DLG1: variants seen among roughly 807,000 people sequenced by gnomAD.
The protein encoded by DLG1 is discs large MAGUK scaffold protein 1.
Under a neutral mutation model 123.4 loss-of-function variants are expected in DLG1, and 42 were observed. That is an observed-to-expected ratio of 0.34 (90% CI 0.27 to 0.44). The LOEUF (loss-of-function observed/expected upper bound fraction) is 0.44, where lower values mean the gene tolerates loss of function less well. Ranked by LOEUF, DLG1 falls within the 20% of genes least tolerant of loss-of-function variation. The pLI is 1.00. For synonymous variants in DLG1, 317 were observed against 356.2 expected (o/e 0.89, Z 1.24); for missense variants, 942 against 1,082.6 (o/e 0.87, Z 1.82).
At chr3:197,264,205 A>G (rs1760739938) in intron 4 of DLG1, among the ~76,000 whole-genome samples, 1 of 152,176 alleles carries the variant, frequency 6.6e-6, no homozygotes, top group Non-Finnish European at 1.5e-5. Context: ...TTAATGATCT[A>G]ATCTCTGTGA....
At chr3:197,135,077 T>G (rs1274838512) in intron 10 of DLG1, among the ~76,000 whole-genome samples, 3 of 152,226 alleles carry the variant, frequency 2.0e-5, no homozygotes, top group Non-Finnish European at 4.4e-5. Context: ...TCAGACACAT[T>G]CTACCTTCTA....
intron 22 of DLG1, among the ~76,000 whole-genome samples, chr3:197,064,411 T>C (rs1401571586): frequency 1.3e-5 from 2 of 152,338 alleles, no homozygotes; most frequent in Admixed American, 6.5e-5. Flanking sequence ...CAGGCTGGTC[T>C]TGAACTCCTA....
intron 4 of DLG1, among the ~76,000 whole-genome samples, chr3:197,199,455 G>A (rs928983895): frequency 2.0e-5 from 3 of 152,096 alleles, no homozygotes; most frequent in Admixed American, 2.0e-4. Flanking sequence ...CAGGCTATGT[G>A]TATAATGTGT....
chr3:197,284,809 G>A (rs13072590), intron 3 of DLG1, among the ~76,000 whole-genome samples: 31,966 of 151,878 alleles, frequency 0.21, 4,454 homozygotes, highest in East Asian at 0.6. Context: ...AAACCTACTC[G>A]GTCAATCTTA....
intron 23 of DLG1, among the ~76,000 whole-genome samples, chr3:197,054,996 G>A (rs536746700): frequency 6.6e-6 from 1 of 152,216 alleles, no homozygotes; most frequent in East Asian, 1.9e-4. Context: ...TGTATTTTTA[G>A]TAGAGATGGG....
intron 5 of DLG1, among the ~76,000 whole-genome samples, chr3:197,150,829 G>A (rs1435712686): frequency 6.6e-6 from 1 of 151,976 alleles, no homozygotes; most frequent in Non-Finnish European, 1.5e-5. Flanking sequence ...ATGACAAAAT[G>A]CTTAAAGACA....
chr3:197,160,619 A>T (rs1307434700), intron 5 of DLG1, among the ~76,000 whole-genome samples: 7 of 152,294 alleles, frequency 4.6e-5, no homozygotes, highest in African/African-American at 1.7e-4. Flanking sequence ...ATTACAATTC[A>T]GTCTTATTAC....
chr3:197,075,495 AT>A (rs1271982657), intron 18 of DLG1, among the ~76,000 whole-genome samples: 1 of 151,984 alleles, frequency 6.6e-6, no homozygotes, highest in Non-Finnish European at 1.5e-5. Context: ...AAGGAAGCAT[AT>A]TTCTACATTC....
chr3:197,206,267 C>T (rs1728474729), intron 4 of DLG1, among the ~76,000 whole-genome samples: 1 of 152,110 alleles, frequency 6.6e-6, no homozygotes, highest in African/African-American at 2.4e-5. Flanking sequence ...AGTATATACT[C>T]TTGATTTTAA....
At chr3:197,194,288 T>C in intron 5 of DLG1, 137 bp downstream of exon 5, 1 of 455,178 alleles carries the variant, frequency 2.2e-6, no homozygotes, top group Non-Finnish European at 3.7e-6. Flanking sequence ...CTTGAAATTC[T>C]CCATAACTAT....
chr3:197,149,616 T>G (rs1053946279), intron 6 of DLG1, 127 bp downstream of exon 6: 4 of 731,194 alleles, frequency 5.5e-6, no homozygotes, highest in Middle Eastern at 2.3e-4. Flanking sequence ...ACAGCTATAG[T>G]ATATAGTGAT....
At chr3:197,092,537 G>A (rs1475443261) in intron 14 of DLG1, among the ~76,000 whole-genome samples, 15 of 152,180 alleles carry the variant, frequency 9.9e-5, no homozygotes. Context: ...GTCCTGCCCT[G>A]TTGCCCAGGC....
chr3:197,181,869 A>T (rs1712261046), intron 5 of DLG1, among the ~76,000 whole-genome samples: 1 of 152,158 alleles, frequency 6.6e-6, no homozygotes, highest in Non-Finnish European at 1.5e-5. Context: ...TCTGAACCAA[A>T]CTGGGTGGGG....
intron 3 of DLG1, among the ~76,000 whole-genome samples, chr3:197,287,121 T>C (rs1772257317): frequency 6.6e-6 from 1 of 151,998 alleles, no homozygotes; most frequent in South Asian, 2.1e-4. Flanking sequence ...CCTCCCACCC[T>C]GGCCTCCCAA....
At chr3:197,288,394 GA>G (rs1025294148) in intron 3 of DLG1, among the ~76,000 whole-genome samples, 38 of 143,256 alleles carry the variant, frequency 2.7e-4, no homozygotes, top group South Asian at 4.4e-4. Context: ...AAAAGAAAAG[GA>G]AAAAAAAAAT....
intron 5 of DLG1, among the ~76,000 whole-genome samples, chr3:197,165,202 T>C (rs1184739424): frequency 3.3e-5 from 5 of 152,170 alleles, no homozygotes; most frequent in Non-Finnish European, 5.9e-5. Context: ...TTAATATAAA[T>C]GCAAGGGGAA....
chr3:197,052,947 C>T (rs1728953215), intron 23 of DLG1, among the ~76,000 whole-genome samples: 1 of 152,126 alleles, frequency 6.6e-6, no homozygotes. Flanking sequence ...AACATTTGAA[C>T]TTTATCAAAT....
intron 10 of DLG1, among the ~76,000 whole-genome samples, chr3:197,133,183 G>T (rs985949706): frequency 5.9e-5 from 9 of 152,220 alleles, no homozygotes; most frequent in Non-Finnish European, 1.2e-4. Context: ...CAGTAGTTGT[G>T]AAGGAAAGAG....
chr3:197,163,448 A>G (rs1473479942), intron 5 of DLG1, among the ~76,000 whole-genome samples: 1 of 152,152 alleles, frequency 6.6e-6, no homozygotes, highest in African/African-American at 2.4e-5. Context: ...AACAGTCAAA[A>G]GGCGGAAAGA....
Sources: gnomAD v4.1 joint callset for allele counts (sites outside exome capture counted in the v4.1 genomes callset) on GRCh38, gnomAD v4.1.1 for gene constraint, MANE v1.5 for transcripts, NCBI Gene and HGNC (gene_info 2026-07-23, HGNC 2026-07-21) for gene names.